The following ACTN2 variants were observed in gnomAD, a reference collection of about 807,000 sequenced individuals.
ACTN2 encodes alpha-actinin-2.
Under a neutral mutation model 113.8 loss-of-function variants are expected in ACTN2, and 39 were observed. The ratio of observed to expected loss-of-function variants is 0.34; its 90% CI spans 0.27 to 0.45. The LOEUF is 0.45. Among genes scored for constraint, ACTN2 ranks in the 20% least tolerant of loss-of-function variants. ACTN2 has a pLI of 1.00. For missense variants in ACTN2, 992 were observed against 1,177.9 expected, an observed-to-expected ratio of 0.84 and a Z score of 2.31; for synonymous variants, 429 against 444.1, an observed-to-expected ratio of 0.97 and a Z score of 0.43.
chr1:236,736,744 C>A, intron 8 of ACTN2: 1 of 965,494 alleles, frequency 1.0e-6, no homozygotes. Flanking sequence ...GAGTCTCCAT[C>A]CCATCGTCAT....
At chr1:236,717,774 G>C (rs571894194) in intron 1 of ACTN2, 84 bp from the exon 2 acceptor site, 4 of 907,390 alleles carry the variant, frequency 4.4e-6, no homozygotes, top group Non-Finnish European at 7.2e-6. Flanking sequence ...TCCCAAGAAC[G>C]TGTAAGGTGT....
rs1658299884 is a variant in ACTN2 at position 236,718,894 on chromosome 1, G to A, written c.242G>A (p.Gly81Glu). ...GCATGATTCTCTTTTCATCCAACAGGGGAAAGGCTGCCCAAACCTGACCGG... is the reference window on the plus strand; with the variant it reads ...GCATGATTCTCTTTTCATCCAACAGAGGAAAGGCTGCCCAAACCTGACCGG... Reference protein sequence around the residue: ...KLMLLLEVISGERLPKPDRGK... With the variant: ...KLMLLLEVISEERLPKPDRGK... Residue 81 changes from glycine (G) to glutamate (E), a missense_variant and splice_region_variant, in exon 3 of 21, where the codon GGG becomes GAG. Gly to Glu is a moderately conservative substitution (Grantham distance 98). Transcript: ENST00000366578. 3 of 1,614,128 alleles carry A rather than the reference G, an allele frequency of 1.9e-6. No homozygotes were observed. Among genetic ancestry groups the A allele is most frequent in the Non-Finnish European group, 2.5e-6 (3 of 1,180,016 alleles).
Position 236,686,818 on chromosome 1 carries a change from G to A in ACTN2, c.126+19G>A. 6.8e-7 allele frequency: 1 copy of A among 1,465,772 alleles called. No homozygotes were observed. The highest frequency in any genetic ancestry group is 9.1e-7 in the Non-Finnish European group (1 of 1,103,492). The allele number at this position is 1,465,772 out of a possible 1,614,324, so 90.8% of individuals were successfully genotyped here. A position where few individuals can be genotyped will look rare whatever the true frequency, so the allele number is the denominator to read the frequency against. ...GAGGAAGGTCAGCAGGGGCCCGCGG[G>A]CCGCCCGCGCGTGGTGGGGCCGGGT... On this transcript the variant is annotated intron_variant, in intron 1 of 20. Transcript: ENST00000366578.
At chr1:236,706,167 TAGTTA>T (rs1657818719) in intron 1 of ACTN2, among the ~76,000 whole-genome samples, 1 of 152,096 alleles carries the variant, frequency 6.6e-6, no homozygotes, top group Non-Finnish European at 1.5e-5. Context: ...AAGGATTCTG[TAGTTA>T]AGTTTGACAT....
At chr1:236,736,197 A>T (rs1658870752) in intron 8 of ACTN2, among the ~76,000 whole-genome samples, 2 of 152,236 alleles carry the variant, frequency 1.3e-5, no homozygotes, top group African/African-American at 4.8e-5. Context: ...ACCTCAAAAA[A>T]TTTCACATTT....
At chr1:236,711,966 C>T (rs1055778488) in intron 1 of ACTN2, among the ~76,000 whole-genome samples, 1 of 152,190 alleles carries the variant, frequency 6.6e-6, no homozygotes, top group Non-Finnish European at 1.5e-5. Flanking sequence ...AGTAAAGCAA[C>T]ATTTCCCTTA....
rs558868202 is a variant in ACTN2 at position 236,753,376 on chromosome 1, G to A, written c.1840-571G>A. ...GCAGGTCCAATAATTTTGGAGTAGGGCTGAGTGTACGTGATATTTGTTGCA... is the reference window on the plus strand; with the variant it reads ...GCAGGTCCAATAATTTTGGAGTAGGACTGAGTGTACGTGATATTTGTTGCA... On this transcript the variant is annotated intron_variant, in intron 15 of 20. Transcript: ENST00000366578. Among the ~76,000 whole-genome samples, 5 of 152,278 alleles carry A rather than the reference G, an allele frequency of 3.3e-5. No individual in the cohort carries two copies. In the East Asian group the frequency reaches 7.7e-4, roughly 23 times the overall value.
Position 236,742,973 on chromosome 1 carries a change from A to G in ACTN2, c.1185A>G (p.Arg395=). The G allele has an allele frequency of 6.2e-7, 1 of 1,614,104 alleles. No homozygotes were observed. The highest frequency in any genetic ancestry group is 8.5e-7 in the Non-Finnish European group (1 of 1,180,024). The change falls in exon 11 of 21, where the codon AGA becomes AGG. Residue 395 remains arginine (R), a synonymous_variant. Coordinates refer to ENST00000366578, the MANE Select transcript of ACTN2 (RefSeq NM_001103.4). Reference sequence around the variant, plus strand: ...AGTGGTTGCTCAATGAGATTCGGAGACTGGAGCGCTTGGAACACCTGGCTG... The same window carrying G: ...AGTGGTTGCTCAATGAGATTCGGAGGCTGGAGCGCTTGGAACACCTGGCTG... ...YEEWLLNEIR[R]LERLEHLAEK...
chr1:236,753,866 TTG>T, intron 15 of ACTN2, 79 bp from the exon 16 acceptor site: 32 of 325,770 alleles, frequency 9.8e-5, no homozygotes, highest in Non-Finnish European at 1.6e-4. Flanking sequence ...CCCCCACCCC[TTG>T]GACTATTCCC....
chr1:236,716,101 T>TC (rs200134666), intron 1 of ACTN2, among the ~76,000 whole-genome samples: 9 of 7,926 alleles, frequency 1.1e-3, no homozygotes, highest in South Asian at 5.7e-3. Context: ...TTCTTCTTCT[T>TC]TTTTTTTTTT....
At chr1:236,743,182 C>A in intron 11 of ACTN2, 139 bp downstream of exon 11, 1 of 1,048,330 alleles carries the variant, frequency 9.5e-7, no homozygotes, top group Non-Finnish European at 1.4e-6. Context: ...CTGCTCTTGT[C>A]TCAGTGCCAA....
At chr1:236,729,677 A>G (rs1233938837) in intron 6 of ACTN2, among the ~76,000 whole-genome samples, 1 of 152,244 alleles carries the variant, frequency 6.6e-6, no homozygotes, top group Non-Finnish European at 1.5e-5. Flanking sequence ...AAGGTAGCCC[A>G]TGAAAACGGA....
intron 1 of ACTN2, among the ~76,000 whole-genome samples, chr1:236,692,985 G>C (rs115709227): frequency 2.4e-3 from 363 of 152,300 alleles, no homozygotes; most frequent in African/African-American, 8.3e-3. Context: ...TTGGAGGACA[G>C]TCAGAATCCT....
intron 1 of ACTN2, among the ~76,000 whole-genome samples, chr1:236,708,028 G>T (rs79108886): frequency 0.072 from 10,928 of 151,838 alleles, 849 homozygotes; most frequent in African/African-American, 0.18. Context: ...TGCATTTCTT[G>T]GGGGAGGGAA....
chr1:236,735,825 ATCTT>A (rs1331182668), intron 8 of ACTN2, 105 bp downstream of exon 8: 11 of 1,063,918 alleles, frequency 1.0e-5, no homozygotes, highest in East Asian at 2.6e-5. Flanking sequence ...TTACCTTGGA[ATCTT>A]TCTGAGTGTT....
chr1:236,703,433 CTTTTTTTT>C (rs35432183), intron 1 of ACTN2, among the ~76,000 whole-genome samples: 10 of 98,838 alleles, frequency 1.0e-4, no homozygotes, highest in Non-Finnish European at 1.2e-4. Flanking sequence ...GGCCTACTAC[CTTTTTTTT>C]TTTTTTTTTT....
intron 12 of ACTN2, among the ~76,000 whole-genome samples, chr1:236,745,220 G>C (rs930348727): frequency 6.6e-6 from 1 of 152,040 alleles, no homozygotes; most frequent in African/African-American, 2.4e-5. Flanking sequence ...GAATCATGAG[G>C]TCAGGAGATC....
Position 236,761,095 on chromosome 1 carries a change from C to T in ACTN2, c.2448C>T (p.Asp816=). Residue 816 remains aspartate (D), a synonymous_variant, in exon 20 of 21, where the codon GAC becomes GAT. Transcript: ENST00000366578. ...CCGTCACCTTCCAATCCTTCATCGACTTCATGACTAGAGAGACGGCTGACA... is the reference window on the plus strand; with the variant it reads ...CCGTCACCTTCCAATCCTTCATCGATTTCATGACTAGAGAGACGGCTGACA... ...QGTVTFQSFI[D]FMTRETADTD... 1 of 1,614,194 alleles carries T rather than the reference C, an allele frequency of 6.2e-7. No individual in the cohort carries two copies. The highest frequency in any genetic ancestry group is 8.5e-7 in the Non-Finnish European group (1 of 1,180,038).
At chr1:236,725,835 T>A in intron 4 of ACTN2, 98 bp from the exon 5 acceptor site, 1 of 1,048,590 alleles carries the variant, frequency 9.5e-7, no homozygotes, top group East Asian at 2.4e-5. Context: ...ACCCCCTGGG[T>A]GATCGACCCC....
Sources: gnomAD v4.1 joint callset for allele counts (sites outside exome capture counted in the v4.1 genomes callset) on GRCh38, gnomAD v4.1.1 for gene constraint, MANE v1.5 for transcripts, NCBI Gene and HGNC (gene_info 2026-07-23, HGNC 2026-07-21) for gene names.